The following PRAC2 variants were observed in gnomAD, a reference collection of about 807,000 sequenced individuals.
PRAC2 encodes the protein PRAC2 small nuclear protein, also known as protein PRAC2.
For missense variants in PRAC2, 92 were observed against 114.5 expected (o/e 0.80, Z 0.90); for synonymous variants, 43 against 49.5 (o/e 0.87, Z 0.55).
chr17:48,721,923 A>G (rs950262759), upstream of PRAC2: 10 of 1,491,258 alleles, frequency 6.7e-6, no homozygotes, highest in African/African-American at 8.5e-5. Flanking sequence ...CAATATTTAC[A>G]AATTTTAAAT....
Position 48,724,365 on chromosome 17 carries a change from G to C in PRAC2, c.-46G>C, listed in dbSNP as rs941073665. The C allele has an allele frequency of 1.6e-6, 2 of 1,234,280 alleles. No homozygotes were observed. The highest frequency in any genetic ancestry group is 2.0e-6 in the Non-Finnish European group (2 of 988,090). 76.5% of individuals were successfully genotyped at this position (1,234,280 alleles called of 1,614,324 possible). Reference sequence around the variant, plus strand: ...TAAATCCGAAAAAAAGTGTGTGTGGGGGGGTCCACACCACTAATTATTATG... The same window carrying C: ...TAAATCCGAAAAAAAGTGTGTGTGGCGGGGTCCACACCACTAATTATTATG... On this transcript the variant is annotated 5_prime_UTR_variant, in exon 2 of 2. Coordinates refer to ENST00000422730, the MANE Select transcript of PRAC2 (RefSeq NM_001282275.2).
upstream of PRAC2, chr17:48,721,721 T>C (rs1324926871): frequency 2.3e-6 from 3 of 1,303,810 alleles, no homozygotes; most frequent in Non-Finnish European, 3.0e-6. Flanking sequence ...TCACCCAGTT[T>C]CCTTTTTTAA....
upstream of PRAC2, among the ~76,000 whole-genome samples, chr17:48,719,483 C>G (rs1033806406): frequency 6.6e-6 from 1 of 152,178 alleles, no homozygotes; most frequent in African/African-American, 2.4e-5. Flanking sequence ...GATCGGATAG[C>G]GCGGCGGGCG....
upstream of PRAC2, among the ~76,000 whole-genome samples, chr17:48,719,207 A>G (rs900021955): frequency 1.1e-4 from 12 of 107,960 alleles, no homozygotes; most frequent in African/African-American, 4.8e-4. Context: ...ACGCGCTCGC[A>G]CACAAACACA....
chr17:48,722,517 G>A (rs1402682854), upstream of PRAC2: 1 of 795,992 alleles, frequency 1.3e-6, no homozygotes, highest in Non-Finnish European at 2.2e-6. Context: ...AGGAGAGGAA[G>A]GACGGGAGCA....
chr17:48,723,735 G>A, intron 1 of PRAC2: 1 of 1,231,754 alleles, frequency 8.1e-7, no homozygotes, highest in African/African-American at 1.5e-5. Flanking sequence ...TCTGCGTTGC[G>A]GGTGCTGGAA....
chr17:48,724,655 C>G lies in PRAC2; in HGVS notation c.245C>G (p.Ala82Gly). The part of the protein sequence containing the change: ...WKPVAPRTMK[A>G]CPQVLLEW Reference sequence around the variant, plus strand: ...CCTGTAGCTCCGCGGACGATGAAAGCCTGCCCGCAGGTTCTCCTGGAGTGG... The same window carrying G: ...CCTGTAGCTCCGCGGACGATGAAAGGCTGCCCGCAGGTTCTCCTGGAGTGG... The change falls in exon 2 of 2, where the codon GCC (alanine) becomes GGC (glycine). Residue 82 changes from alanine to glycine, a missense_variant. Ala to Gly is a moderately conservative substitution (Grantham distance 60). Coordinates refer to ENST00000422730, the MANE Select transcript of PRAC2 (RefSeq NM_001282275.2). 1 of 1,232,224 alleles carries G rather than the reference C, an allele frequency of 8.1e-7. No individual in the cohort carries two copies. Among genetic ancestry groups the G allele is most frequent in the Non-Finnish European group, 1.0e-6 (1 of 987,996 alleles). The allele number at this position is 1,232,224 out of a possible 1,614,324, so 76.3% of individuals were successfully genotyped here.
upstream of PRAC2, among the ~76,000 whole-genome samples, chr17:48,718,970 T>G (rs1478239245): frequency 6.6e-6 from 1 of 152,080 alleles, no homozygotes; most frequent in Non-Finnish European, 1.5e-5. Context: ...CTCGCCCGAT[T>G]TGGTATCTTA....
At chr17:48,719,212 A>AACACACACACAC (rs3060082), upstream of PRAC2, among the ~76,000 whole-genome samples, 1,002 of 141,140 alleles carry the variant, frequency 7.1e-3, 7 homozygotes, top group East Asian at 0.017. Flanking sequence ...CTCGCACACA[A>AACACACACACAC]ACACACACAC....
chr17:48,719,499 C>A (rs1489427487), upstream of PRAC2, among the ~76,000 whole-genome samples: 1 of 152,188 alleles, frequency 6.6e-6, no homozygotes, highest in Non-Finnish European at 1.5e-5. Context: ...GGGCGACAGC[C>A]CCCCGGATAA....
At chr17:48,721,036 A>C (rs2038140261), upstream of PRAC2, among the ~76,000 whole-genome samples, 1 of 152,000 alleles carries the variant, frequency 6.6e-6, no homozygotes, top group African/African-American at 2.4e-5. Context: ...TCATTATGGG[A>C]GGGGGAACTG....
chr17:48,724,397 A>C lies in PRAC2; in HGVS notation c.-14A>C. 2 of 1,234,332 alleles carry C rather than the reference A, an allele frequency of 1.6e-6. No homozygotes were observed. The highest frequency in any genetic ancestry group is 2.0e-6 in the Non-Finnish European group (2 of 988,142). 76.5% of individuals were successfully genotyped at this position (1,234,332 alleles called of 1,614,324 possible). ...CACACCACTAATTATTATGGCGAGG[A>C]AGATAAAGAAGACATGGACAGAAGG... is the stretch of plus-strand genomic sequence containing the variant. On this transcript the variant is annotated 5_prime_UTR_variant, in exon 2 of 2. Transcript: ENST00000422730.
intron 1 of PRAC2, 75 bp downstream of exon 1, chr17:48,723,388 G>A (rs2038166952): frequency 3.5e-6 from 1 of 288,674 alleles, no homozygotes; most frequent in Admixed American, 5.2e-5. Context: ...GGGGCCGGGG[G>A]GCACAGGGTC....
At chr17:48,720,044 C>CGGG (rs1380296484), upstream of PRAC2, among the ~76,000 whole-genome samples, 3 of 152,184 alleles carry the variant, frequency 2.0e-5, no homozygotes, top group African/African-American at 7.2e-5. Flanking sequence ...ACGCAGGTCT[C>CGGG]GGGCGGGGGC....
At chr17:48,721,850 G>A (rs940505673), upstream of PRAC2, 21 of 1,543,620 alleles carry the variant, frequency 1.4e-5, no homozygotes, top group African/African-American at 2.9e-4. Flanking sequence ...ATTACAGGCT[G>A]AGCCATCACT....
upstream of PRAC2, among the ~76,000 whole-genome samples, chr17:48,719,808 C>G (rs568971901): frequency 1.6e-4 from 25 of 152,250 alleles, no homozygotes; most frequent in South Asian, 4.2e-3. Flanking sequence ...GGGTGTTCCC[C>G]GGAAGGCAAG....
At chr17:48,721,884 T>G (rs1331262537), upstream of PRAC2, 2 of 1,523,280 alleles carry the variant, frequency 1.3e-6, no homozygotes, top group Admixed American at 4.4e-5. Flanking sequence ...AGTAGATGTT[T>G]CAAAGTAGAT....
upstream of PRAC2, among the ~76,000 whole-genome samples, chr17:48,721,138 G>A (rs1433388339): frequency 6.6e-6 from 1 of 152,072 alleles, no homozygotes; most frequent in African/African-American, 2.4e-5. Context: ...CCAATGACTT[G>A]GCAATATCAG....
upstream of PRAC2, among the ~76,000 whole-genome samples, chr17:48,719,061 T>C (rs989594183): frequency 6.6e-6 from 1 of 151,894 alleles, no homozygotes; most frequent in African/African-American, 2.4e-5. Context: ...CCAGACGGAG[T>C]GGCCCCTGCG....
Sources: allele counts gnomAD v4.1 joint callset (sites outside exome capture counted in the v4.1 genomes callset), GRCh38; gene constraint gnomAD v4.1.1; transcripts MANE v1.5; gene names NCBI Gene and HGNC (gene_info 2026-07-23, HGNC 2026-07-21).